The following GRIN2A variants were observed in gnomAD, a reference collection of about 807,000 sequenced individuals.
GRIN2A encodes glutamate ionotropic receptor NMDA type subunit 2A.
In GRIN2A, 22 loss-of-function variants were observed where a neutral mutation model predicts 113.4. That is an observed-to-expected ratio of 0.19 (90% CI 0.14 to 0.28). The LOEUF is 0.28. Ranked by LOEUF, GRIN2A falls within the 10% of genes least tolerant of loss-of-function variation. The pLI is 1.00. For synonymous variants in GRIN2A, 827 were observed against 738.4 expected, an observed-to-expected ratio of 1.12 and a Z score of -1.94; for missense variants, 1,502 against 1,887.0, an observed-to-expected ratio of 0.80 and a Z score of 3.78.
intron 3 of GRIN2A, among the ~76,000 whole-genome samples, chr16:9,911,956 C>T (rs192559987): frequency 6.6e-6 from 1 of 152,316 alleles, no homozygotes; most frequent in East Asian, 1.9e-4. Flanking sequence ...ATTCACTCTG[C>T]ATCTTAGTTT....
chr16:9,907,522 C>T (rs993705824), intron 3 of GRIN2A, among the ~76,000 whole-genome samples: 9 of 152,110 alleles, frequency 5.9e-5, no homozygotes, highest in African/African-American at 2.2e-4. Flanking sequence ...GATGGAACGG[C>T]TCTGAATCCT....
At chr16:10,076,186 C>A (rs192115200) in intron 2 of GRIN2A, among the ~76,000 whole-genome samples, 9 of 152,328 alleles carry the variant, frequency 5.9e-5, no homozygotes, top group African/African-American at 2.2e-4. Flanking sequence ...TCCCCATAGG[C>A]CTTCCTCTGA....
rs537004308 is a variant in GRIN2A at position 10,023,339 on chromosome 16, T to C, written c.415-84788A>G. Reference sequence around the variant, plus strand: ...CATTGAATAAATATTACATAATCTATTTTCTTTAGTGGTTGTGTCTGTATA... The same window carrying C: ...CATTGAATAAATATTACATAATCTACTTTCTTTAGTGGTTGTGTCTGTATA... On this transcript the variant is annotated intron_variant, in intron 2 of 12. Transcript: ENST00000330684. Among the ~76,000 whole-genome samples, 12 of 152,346 alleles carry C rather than the reference T, an allele frequency of 7.9e-5. 1 individual carries two copies. In the South Asian group the frequency reaches 2.3e-3, roughly 29 times the overall value.
At chr16:10,080,552 G>C (rs938306706) in intron 2 of GRIN2A, among the ~76,000 whole-genome samples, 1 of 152,148 alleles carries the variant, frequency 6.6e-6, no homozygotes, top group Non-Finnish European at 1.5e-5. Context: ...CTTGGAAGCC[G>C]AGCAACACGC....
chr16:10,050,527 G>A (rs1049093628), intron 2 of GRIN2A, among the ~76,000 whole-genome samples: 10 of 151,842 alleles, frequency 6.6e-5, no homozygotes, highest in Non-Finnish European at 8.8e-5. Context: ...CTCCTTATGA[G>A]AATCTAATGC....
At chr16:10,005,375 C>G (rs2141852582) in intron 2 of GRIN2A, among the ~76,000 whole-genome samples, 1 of 152,284 alleles carries the variant, frequency 6.6e-6, no homozygotes, top group East Asian at 1.9e-4. Context: ...CACAAACTAA[C>G]AAACATGAGT....
chr16:9,969,892 C>T (rs2045637076), intron 2 of GRIN2A, among the ~76,000 whole-genome samples: 1 of 152,236 alleles, frequency 6.6e-6, no homozygotes, highest in Non-Finnish European at 1.5e-5. Context: ...TTAGCTGCAT[C>T]AGCAGCTCAC....
chr16:10,136,772 C>A lies in GRIN2A; in HGVS notation c.414+43226G>T, dbSNP rs369117659. Reference sequence around the variant, plus strand: ...ATGGGGGAACTGACCTTGGGCCTCACGACTGTGCTAAGCACTTAACATACA... The same window carrying A: ...ATGGGGGAACTGACCTTGGGCCTCAAGACTGTGCTAAGCACTTAACATACA... On this transcript the variant is annotated intron_variant, in intron 2 of 12. Transcript: ENST00000330684. Among the ~76,000 whole-genome samples, 5 of 152,194 alleles carry A rather than the reference C, an allele frequency of 3.3e-5. No individual in the cohort carries two copies. The East Asian group carries it at 9.7e-4, about 29-fold the overall frequency.
At chr16:9,904,768 T>C (rs553512609) in intron 3 of GRIN2A, among the ~76,000 whole-genome samples, 41 of 152,312 alleles carry the variant, frequency 2.7e-4, no homozygotes, top group South Asian at 1.7e-3. Flanking sequence ...CACCTCCAGA[T>C]ACCATCCCTC....
intron 2 of GRIN2A, among the ~76,000 whole-genome samples, chr16:10,066,681 C>T (rs760252150): frequency 3.3e-5 from 5 of 152,176 alleles, no homozygotes; most frequent in Non-Finnish European, 7.3e-5. Context: ...AGCTGCCCCT[C>T]CCAGTGTTTG....
intron 10 of GRIN2A, among the ~76,000 whole-genome samples, chr16:9,801,626 C>T (rs1372954878): frequency 6.6e-6 from 1 of 152,166 alleles, no homozygotes; most frequent in Non-Finnish European, 1.5e-5. Flanking sequence ...CATATGAGTA[C>T]AAGGAATAAA....
chr16:9,926,135 G>C (rs1250324839), intron 3 of GRIN2A, among the ~76,000 whole-genome samples: 1 of 152,048 alleles, frequency 6.6e-6, no homozygotes, highest in East Asian at 1.9e-4. Flanking sequence ...ACTCTCCTTG[G>C]GTAATTCAGG....
At chr16:9,782,252 T>A (rs547702299) in intron 11 of GRIN2A, among the ~76,000 whole-genome samples, 1 of 152,306 alleles carries the variant, frequency 6.6e-6, no homozygotes, top group Non-Finnish European at 1.5e-5. Flanking sequence ...ACTATTTAGA[T>A]CGCATTTATA....
At chr16:10,011,786 A>G (rs1488627635) in intron 2 of GRIN2A, among the ~76,000 whole-genome samples, 1 of 152,144 alleles carries the variant, frequency 6.6e-6, no homozygotes, top group Non-Finnish European at 1.5e-5. Flanking sequence ...ACGTTCACCA[A>G]GCATCGTTCA....
chr16:10,021,684 A>G (rs1326282362), intron 2 of GRIN2A, among the ~76,000 whole-genome samples: 1 of 152,164 alleles, frequency 6.6e-6, no homozygotes, highest in Non-Finnish European at 1.5e-5. Flanking sequence ...AGAGCATTCC[A>G]GGTGGAAAGA....
chr16:10,020,686 G>A (rs1287932512), intron 2 of GRIN2A, among the ~76,000 whole-genome samples: 3 of 152,208 alleles, frequency 2.0e-5, no homozygotes, highest in East Asian at 3.9e-4. Context: ...AATAATCATG[G>A]TGCCACCTAT....
intron 3 of GRIN2A, among the ~76,000 whole-genome samples, chr16:9,926,307 A>T (rs1371214590): frequency 2.0e-5 from 3 of 152,232 alleles, no homozygotes; most frequent in Admixed American, 2.0e-4. Flanking sequence ...TTGAAAGCCA[A>T]GTTCATTTTA....
intron 2 of GRIN2A, among the ~76,000 whole-genome samples, chr16:10,155,016 G>C (rs1367143970): frequency 2.6e-5 from 4 of 152,178 alleles, no homozygotes; most frequent in Non-Finnish European, 5.9e-5. Context: ...TGTAGCGCAG[G>C]ACTTCTCAGA....
At chr16:9,840,502 G>T in intron 7 of GRIN2A, 145 bp downstream of exon 7, 1 of 796,998 alleles carries the variant, frequency 1.3e-6, no homozygotes. Flanking sequence ...CCTTTCATAG[G>T]ATAATTCAAA....
Sources: gnomAD v4.1 joint callset for allele counts (sites outside exome capture counted in the v4.1 genomes callset) on GRCh38, gnomAD v4.1.1 for gene constraint, MANE v1.5 for transcripts, NCBI Gene and HGNC (gene_info 2026-07-23, HGNC 2026-07-21) for gene names.